The following ZNF727 variants were observed in gnomAD, a reference collection of about 807,000 sequenced individuals.
ZNF727 encodes the protein zinc finger protein 727.
A neutral mutation model predicts 11.5 loss-of-function variants in ZNF727; 11 were observed. That is an observed-to-expected ratio of 0.95 (90% CI 0.60 to 1.58). The LOEUF (loss-of-function observed/expected upper bound fraction) is 1.58, where lower values mean the gene tolerates loss of function less well. Ranked by LOEUF, ZNF727 falls within the 40% of genes most tolerant of loss-of-function variation. The pLI, the probability that ZNF727 is intolerant of heterozygous loss-of-function variation, is 0.00. For synonymous variants in ZNF727, 171 were observed against 196.1 expected (o/e 0.87, Z 1.07); for missense variants, 533 against 581.7 (o/e 0.92, Z 0.86).
Position 64,068,815 on chromosome 7 carries a change from C to T in ZNF727, c.4-76C>T, listed in dbSNP as rs1789911701. ...ACTCATATAAGTCAGAACCAGCTCT[C>T]TTTACTCTCATTTTACCTGATGTCA... On this transcript the variant is annotated intron_variant, in intron 1 of 3. Coordinates refer to ENST00000456806, the MANE Select transcript of ZNF727 (RefSeq NM_001159522.3). The T allele has an allele frequency of 2.0e-6, 3 of 1,515,322 alleles. No individual in the cohort carries two copies. The East Asian group carries it at 7.4e-5, about 37-fold the overall frequency. The allele number at this position is 1,515,322 out of a possible 1,614,324, so 93.9% of individuals were successfully genotyped here.
chr7:64,061,625 C>G (rs149899693), intron 1 of ZNF727, among the ~76,000 whole-genome samples: 1 of 151,628 alleles, frequency 6.6e-6, no homozygotes, highest in Non-Finnish European at 1.5e-5. Context: ...TTTATTTTTA[C>G]CCATTTGGCC....
chr7:64,057,908 A>G (rs1267642882), intron 1 of ZNF727, among the ~76,000 whole-genome samples: 1 of 152,108 alleles, frequency 6.6e-6, no homozygotes, highest in Non-Finnish European at 1.5e-5. Context: ...ATCTATTCCT[A>G]CCACATATCC....
rs1785851952 is a variant in ZNF727, at chr7:64,085,027, TTTG to T, written c.*6481_*6483del. 1.3e-5 allele frequency among the ~76,000 whole-genome samples: 2 copies of T among 151,812 alleles called. No individual in the cohort carries two copies. Among genetic ancestry groups the T allele is most frequent in the African/African-American group, 2.4e-5 (1 of 41,360 alleles). ...AGAATCATCTTTTGCAAATTCTTTTTTTGTTTGTTTGTCTGTTTTCTTGTTGTT... is the reference window on the plus strand; with the variant it reads ...AGAATCATCTTTTGCAAATTCTTTTTTTTGTTTGTCTGTTTTCTTGTTGTT... On this transcript the variant is annotated 3_prime_UTR_variant, in exon 4 of 4. Transcript: ENST00000456806.
chr7:64,061,032 A>G (rs1789762128), intron 1 of ZNF727, among the ~76,000 whole-genome samples: 1 of 152,152 alleles, frequency 6.6e-6, no homozygotes, highest in South Asian at 2.1e-4. Flanking sequence ...GTCAGAGAAA[A>G]TACCTGATAT....
intron 1 of ZNF727, among the ~76,000 whole-genome samples, chr7:64,054,919 T>G (rs1453645471): frequency 6.6e-6 from 1 of 152,184 alleles, no homozygotes; most frequent in East Asian, 1.9e-4. Context: ...TTTTTGTGTC[T>G]TTTAAAGTAT....
chr7:64,049,992 A>G (rs1031784185), intron 1 of ZNF727, among the ~76,000 whole-genome samples: 3 of 151,814 alleles, frequency 2.0e-5, no homozygotes, highest in Admixed American at 6.6e-5. Flanking sequence ...TCTGAAGTTA[A>G]ACTTTCTATT....
intron 1 of ZNF727, among the ~76,000 whole-genome samples, chr7:64,057,246 A>C (rs1382834137): frequency 6.6e-6 from 1 of 152,216 alleles, no homozygotes. Flanking sequence ...CTTAGGCAGT[A>C]TACTGTTTTA....
rs1169358511 is a variant in ZNF727 at position 64,077,545 on chromosome 7, A to T, written c.496A>T (p.Ile166Phe). 1.3e-6 allele frequency: 2 copies of T among 1,551,430 alleles called. No individual in the cohort carries two copies. The highest frequency in any genetic ancestry group is 4.9e-5 in the East Asian group (2 of 40,902). The change falls in exon 4 of 4, where the codon ATT becomes TTT. Residue 166 changes from isoleucine to phenylalanine, a missense_variant. This residue lies in a region of ZNF727 where 463 missense variants were observed against 494.5 expected (regional missense o/e 0.94). Transcript: ENST00000456806. ...CTCAATCTTCACTGAACATAAGAAA[A>T]TTTTTAGCAGAGAGAAATGCTACAA... is the stretch of plus-strand genomic sequence containing the variant. ...LCSIFTEHKK[I>F]FSREKCYKCE...
Position 64,070,183 on chromosome 7 carries a change from A to C in ZNF727, c.226+574A>C, listed in dbSNP as rs187005102. Among the ~76,000 whole-genome samples, 54 of 152,218 alleles carry C rather than the reference A, an allele frequency of 3.5e-4. No individual in the cohort carries two copies. In the East Asian group the frequency reaches 0.01, roughly 29 times the overall value. ...ATTAAAACACTAAGCATCTCCCTAAATGAAACAAACTCTAAAATAGTATTA... is the reference window on the plus strand; with the variant it reads ...ATTAAAACACTAAGCATCTCCCTAACTGAAACAAACTCTAAAATAGTATTA... On this transcript the variant is annotated intron_variant, in intron 3 of 3. Coordinates refer to ENST00000456806, the MANE Select transcript of ZNF727 (RefSeq NM_001159522.3).
intron 1 of ZNF727, among the ~76,000 whole-genome samples, chr7:64,056,615 A>G (rs148840117): frequency 6.1e-4 from 66 of 108,998 alleles, no homozygotes; most frequent in African/African-American, 1.9e-3. Flanking sequence ...AATATTTATC[A>G]GTGTAGTTAA....
chr7:64,070,105 A>G (rs893656712), intron 3 of ZNF727, among the ~76,000 whole-genome samples: 3 of 152,070 alleles, frequency 2.0e-5, no homozygotes, highest in African/African-American at 4.8e-5. Flanking sequence ...ATAATTTTCT[A>G]TTCTATGGAG....
intron 1 of ZNF727, among the ~76,000 whole-genome samples, chr7:64,056,228 T>C (rs1307074148): frequency 6.6e-6 from 1 of 152,208 alleles, no homozygotes; most frequent in Non-Finnish European, 1.5e-5. Flanking sequence ...ATTGATATCA[T>C]CTAAAAGTAG....
At chr7:64,063,644 A>AAGAACCAAGTTCTCTTC in intron 1 of ZNF727, among the ~76,000 whole-genome samples, 1 of 151,912 alleles carries the variant, frequency 6.6e-6, no homozygotes, top group African/African-American at 2.4e-5. Flanking sequence ...ATGTTCACTC[A>AAGAACCAAGTTCTCTTC]AGAACCAAGT....
intron 1 of ZNF727, among the ~76,000 whole-genome samples, chr7:64,047,099 A>G (rs1789520398): frequency 6.6e-6 from 1 of 151,804 alleles, no homozygotes; most frequent in Non-Finnish European, 1.5e-5. Context: ...CTATTTAGTT[A>G]TTTTAATGCT....
intron 3 of ZNF727, among the ~76,000 whole-genome samples, chr7:64,071,138 T>C (rs1295584183): frequency 6.6e-6 from 1 of 152,100 alleles, no homozygotes; most frequent in African/African-American, 2.4e-5. Flanking sequence ...AGAAATGAGA[T>C]AGCTAAATTG....
At chr7:64,061,949 CTT>C (rs1361916862) in intron 1 of ZNF727, among the ~76,000 whole-genome samples, 1 of 151,900 alleles carries the variant, frequency 6.6e-6, no homozygotes, top group Non-Finnish European at 1.5e-5. Context: ...CAACTTAACA[CTT>C]ATAAAAATGA....
intron 1 of ZNF727, among the ~76,000 whole-genome samples, chr7:64,056,769 A>C (rs543266865): frequency 8.5e-5 from 13 of 152,260 alleles, no homozygotes; most frequent in African/African-American, 3.1e-4. Flanking sequence ...ACTCTCTATT[A>C]ATTACTAAAA....
In ZNF727 at chr7:64,077,793, A is replaced by G. The variant is rs1785705270; in HGVS notation, c.744A>G (p.Arg248=). The G allele has an allele frequency of 3.2e-6, 5 of 1,571,686 alleles. No homozygotes were observed. In the East Asian group the frequency reaches 1.2e-4, roughly 37 times the overall value. The stretch of plus-strand genomic sequence containing the variant: ...CCTCAGCCCTTACTAAACACAAGAG[A>G]AATCATACTGGAGACAGACCCTACA... ...TCSSALTKHK[R]NHTGDRPYKC... Residue 248 remains arginine, a synonymous_variant, in exon 4 of 4, where the codon AGA becomes AGG. Coordinates refer to ENST00000456806, the MANE Select transcript of ZNF727 (RefSeq NM_001159522.3).
At position 64,050,812 on chromosome 7, in the gene ZNF727, GTA is replaced by G. The variant is rs1316907824; in HGVS notation, c.3+5190_3+5191del. Among the ~76,000 whole-genome samples the G allele has an allele frequency of 6.5e-4, 97 of 148,168 alleles. 1 individual carries two copies. Among genetic ancestry groups the G allele is most frequent in the African/African-American group, 2.2e-3 (88 of 39,792 alleles). On this transcript the variant is annotated intron_variant, in intron 1 of 3. Coordinates refer to ENST00000456806, the MANE Select transcript of ZNF727 (RefSeq NM_001159522.3). Reference sequence around the variant, plus strand: ...TGTGTGTGTGTGTGTGTGTGTGTGTGTATGTATGTATATATAGCCTGATTGTC... The same window carrying G: ...TGTGTGTGTGTGTGTGTGTGTGTGTGTGTATGTATATATAGCCTGATTGTC...
Sources: gnomAD v4.1 joint callset for allele counts (sites outside exome capture counted in the v4.1 genomes callset) on GRCh38, gnomAD v4.1.1 for gene constraint, gnomAD v4.1.1 regional missense constraint, MANE v1.5 for transcripts, NCBI Gene and HGNC (gene_info 2026-07-23, HGNC 2026-07-21) for gene names.